VIRMA: variants seen among roughly 807,000 people sequenced by gnomAD.
VIRMA encodes vir like m6A methyltransferase associated, also known as protein virilizer homolog.
Under a neutral mutation model 182.4 loss-of-function variants are expected in VIRMA, and 65 were observed. The ratio of observed to expected loss-of-function variants is 0.36; its 90% CI spans 0.29 to 0.44. The LOEUF (loss-of-function observed/expected upper bound fraction) is 0.44, where lower values mean the gene tolerates loss of function less well. VIRMA is among the 20% of genes least tolerant of loss of function. The pLI, the probability that VIRMA is intolerant of heterozygous loss-of-function variation, is 1.00. For synonymous variants in VIRMA, 709 were observed against 743.1 expected, an observed-to-expected ratio of 0.95 and a Z score of 0.75; for missense variants, 1,752 against 2,158.1, an observed-to-expected ratio of 0.81 and a Z score of 3.73.
At chr8:94,549,656 T>C (rs921513093) in intron 1 of VIRMA, among the ~76,000 whole-genome samples, 3 of 152,242 alleles carry the variant, frequency 2.0e-5, no homozygotes, top group Admixed American at 6.5e-5. Context: ...CTCTCCTACG[T>C]AGTTCCACTG....
intron 13 of VIRMA, 79 bp downstream of exon 13, chr8:94,511,102 TTTTG>T (rs1485574703): frequency 6.6e-7 from 1 of 1,524,920 alleles, no homozygotes; most frequent in Non-Finnish European, 8.8e-7. Flanking sequence ...AGATGAGGGT[TTTTG>T]TTTTTTAACA....
At position 94,496,414 on chromosome 8, in the gene VIRMA, T is replaced by G. The variant is rs920853917; in HGVS notation, c.4297A>C (p.Ile1433Leu). The change falls in exon 18 of 24, where the codon ATT (isoleucine) becomes CTT (leucine). Residue 1433 changes from isoleucine to leucine, a missense_variant. Coordinates refer to ENST00000297591, the MANE Select transcript of VIRMA (RefSeq NM_015496.5). ...AGCTGTTTTAACTCTGCAGCATTAATACTCATCGTCCGTGATGTATGAGCT... is the reference window on the plus strand; with the variant it reads ...AGCTGTTTTAACTCTGCAGCATTAAGACTCATCGTCCGTGATGTATGAGCT... ...EGAHTSRTMS[I>L]NAAELKQLLQ... The G allele has an allele frequency of 2.5e-5, 40 of 1,613,520 alleles. No individual in the cohort carries two copies. Among genetic ancestry groups the G allele is most frequent in the Non-Finnish European group, 3.4e-5 (40 of 1,179,472 alleles).
chr8:94,493,286 T>A (rs1813664832), intron 20 of VIRMA, among the ~76,000 whole-genome samples: 1 of 152,206 alleles, frequency 6.6e-6, no homozygotes, highest in Non-Finnish European at 1.5e-5. Context: ...AAATCAACAT[T>A]CAGTTTACTT....
rs1813618947 is a variant in VIRMA, at chr8:94,492,026, G to A, written c.4809-117C>T. 8.6e-6 allele frequency: 6 copies of A among 700,982 alleles called. No individual in the cohort carries two copies. In the South Asian group the frequency reaches 1.3e-4, roughly 15 times the overall value. 43.4% of individuals were successfully genotyped at this position (700,982 alleles called of 1,614,324 possible). On this transcript the variant is annotated intron_variant, in intron 21 of 23. Transcript: ENST00000297591. ...TTTGTACTCCAATTCTGCTAACTTT[G>A]CAAGTATCTATCATACTTCTGGGAT...
intron 20 of VIRMA, 72 bp from the exon 21 acceptor site, chr8:94,492,890 C>T: frequency 1.1e-5 from 13 of 1,188,640 alleles, no homozygotes; most frequent in South Asian, 1.5e-5. Context: ...TACAGAAATT[C>T]TTATTACCTA....
At chr8:94,550,600 A>G (rs1459301139) in intron 1 of VIRMA, among the ~76,000 whole-genome samples, 1 of 151,352 alleles carries the variant, frequency 6.6e-6, no homozygotes, top group Non-Finnish European at 1.5e-5. Context: ...CCTTCTCTGA[A>G]CCATTTTAAG....
intron 16 of VIRMA, 134 bp from the exon 17 acceptor site, chr8:94,499,640 T>G (rs917290730): frequency 3.5e-6 from 2 of 564,780 alleles, no homozygotes; most frequent in Non-Finnish European, 5.8e-6. Flanking sequence ...AGTACTTTGG[T>G]GTGTCTTTGT....
At chr8:94,503,310 C>T (rs1814055512) in intron 16 of VIRMA, among the ~76,000 whole-genome samples, 1 of 152,208 alleles carries the variant, frequency 6.6e-6, no homozygotes, top group South Asian at 2.1e-4. Flanking sequence ...GAAGATAGCA[C>T]TTCAGCCAAG....
chr8:94,522,990 G>A (rs1814826817), intron 8 of VIRMA, among the ~76,000 whole-genome samples: 1 of 151,792 alleles, frequency 6.6e-6, no homozygotes, highest in South Asian at 2.1e-4. Context: ...TCCTCCATAT[G>A]GTGGGAAAAA....
chr8:94,513,368 G>C (rs1029945859), intron 11 of VIRMA, among the ~76,000 whole-genome samples: 11 of 149,284 alleles, frequency 7.4e-5, no homozygotes, highest in African/African-American at 2.5e-4. Flanking sequence ...AAAAAACCTT[G>C]GAAGAAATAA....
chr8:94,526,843 T>C lies in VIRMA; in HGVS notation c.1401A>G (p.Ala467=), dbSNP rs368971303. The C allele has an allele frequency of 5.0e-6, 8 of 1,614,210 alleles. No homozygotes were observed. The highest frequency in any genetic ancestry group is 1.3e-5 in the African/African-American group (1 of 75,054). The change falls in exon 8 of 24, where the codon GCA becomes GCG. Residue 467 remains alanine, a synonymous_variant. Transcript: ENST00000297591. ...KAGTKLVSSL[A]ECGAQGVTGL... is the part of the protein sequence containing the mutation. Reference sequence around the variant, plus strand: ...CTGTAACTCCTTGAGCCCCACATTCTGCTAGTGAGGACACTAATTTGGTCC... The same window carrying C: ...CTGTAACTCCTTGAGCCCCACATTCCGCTAGTGAGGACACTAATTTGGTCC...
Position 94,529,052 on chromosome 8 carries a change from C to T in VIRMA, c.880+18G>A. ...TTTCTAGTACTTAAACCCCAAAGTC[C>T]TAGCTAACATAACCCACCTTCACCT... On this transcript the variant is annotated intron_variant, in intron 7 of 23. Transcript: ENST00000297591. 4.3e-6 allele frequency: 7 copies of T among 1,611,594 alleles called. No individual in the cohort carries two copies. The highest frequency in any genetic ancestry group is 5.9e-6 in the Non-Finnish European group (7 of 1,177,858).
At position 94,528,470 on chromosome 8, in the gene VIRMA, C is replaced by T. The variant is rs186980121; in HGVS notation, c.880+600G>A. On this transcript the variant is annotated intron_variant, in intron 7 of 23. Transcript: ENST00000297591. ...AAGCCAAGGCAGATTATCTGTTATT[C>T]TGCATAAATGCTTTAACATTAAATG... Among the ~76,000 whole-genome samples the T allele has an allele frequency of 6.3e-3, 953 of 152,240 alleles. 6 individuals are homozygous for T. The highest frequency in any genetic ancestry group is 0.014 in the Admixed American group (211 of 15,276).
At position 94,509,764 on chromosome 8, in the gene VIRMA, C is replaced by G; in HGVS notation, c.3803G>C (p.Arg1268Pro). 6.2e-7 allele frequency: 1 copy of G among 1,613,862 alleles called. No individual in the cohort carries two copies. Among genetic ancestry groups the G allele is most frequent in the Non-Finnish European group, 8.5e-7 (1 of 1,179,848 alleles). The change falls in exon 15 of 24, where the codon CGG becomes CCG. Residue 1268 changes from arginine (R) to proline (P), a missense_variant. Arg to Pro is a moderately radical substitution (Grantham distance 103, BLOSUM62 -2). Transcript: ENST00000297591. ...GCGAATAACACTGTCTCCAGGAGAC[C>G]GCACCAAAGCTAAAAGATCCTGGAA... Reference protein sequence around the residue: ...EIFQDLLALVRSPGDSVIRQQ... With the variant: ...EIFQDLLALVPSPGDSVIRQQ...
rs1342034186 is a variant in VIRMA at position 94,491,929 on chromosome 8, C to A, written c.4809-20G>T. ...TTTCCACTATTAAAACAAAAACATG[C>A]CATAAAACATTTTTCTTTCAGGTTT... On this transcript the variant is annotated intron_variant, in intron 21 of 23. Coordinates refer to ENST00000297591, the MANE Select transcript of VIRMA (RefSeq NM_015496.5). The A allele has an allele frequency of 1.2e-5, 17 of 1,470,516 alleles. No homozygotes were observed. The highest frequency in any genetic ancestry group is 1.5e-5 in the Non-Finnish European group (16 of 1,101,986). The allele number at this position is 1,470,516 out of a possible 1,614,324, so 91.1% of individuals were successfully genotyped here.
At chr8:94,499,207 C>T in intron 17 of VIRMA, 167 bp downstream of exon 17, 1 of 429,456 alleles carries the variant, frequency 2.3e-6, no homozygotes. Context: ...CACTATTTTG[C>T]CCAGGCTGGT....
At chr8:94,506,122 T>C (rs1475593343) in intron 16 of VIRMA, among the ~76,000 whole-genome samples, 1 of 152,196 alleles carries the variant, frequency 6.6e-6, no homozygotes, top group Non-Finnish European at 1.5e-5. Flanking sequence ...ACTGAGGAAC[T>C]GTACACAGAA....
intron 15 of VIRMA, among the ~76,000 whole-genome samples, chr8:94,507,266 G>A (rs1041036227): frequency 1.3e-5 from 2 of 151,444 alleles, no homozygotes; most frequent in African/African-American, 4.8e-5. Flanking sequence ...CTCCCGAGTA[G>A]CTGGGATTAT....
At chr8:94,550,077 A>G (rs893187356) in intron 1 of VIRMA, among the ~76,000 whole-genome samples, 3 of 150,720 alleles carry the variant, frequency 2.0e-5, no homozygotes, top group African/African-American at 7.3e-5. Context: ...AGCTTGGGTG[A>G]CAGAGCAAGA....
Sources: allele counts gnomAD v4.1 joint callset (sites outside exome capture counted in the v4.1 genomes callset), GRCh38; gene constraint gnomAD v4.1.1; transcripts MANE v1.5; gene names NCBI Gene and HGNC (gene_info 2026-07-23, HGNC 2026-07-21).